ARNT2: variants seen among roughly 807,000 people sequenced by gnomAD.
The protein encoded by ARNT2 is aryl hydrocarbon receptor nuclear translocator 2, also known as ARNT protein 2.
ARNT2 carries 36 observed loss-of-function variants against 91.7 expected under a neutral mutation model. The observed-to-expected ratio is 0.39, with a 90% CI of 0.30 to 0.52. The LOEUF is 0.52. Ranked by LOEUF, ARNT2 falls within the 20% of genes least tolerant of loss-of-function variation. The pLI, the probability that ARNT2 is intolerant of heterozygous loss-of-function variation, is 0.72. For missense variants in ARNT2, 775 were observed against 939.3 expected (o/e 0.83, Z 2.29); for synonymous variants, 365 against 347.1 (o/e 1.05, Z -0.57).
Position 80,574,225 on chromosome 15 carries a change from G to A in ARNT2, c.1389+5G>A. The A allele has an allele frequency of 6.2e-7, 1 of 1,613,832 alleles. No individual in the cohort carries two copies. Among genetic ancestry groups the A allele is most frequent in the Non-Finnish European group, 8.5e-7 (1 of 1,179,712 alleles). On this transcript the variant is annotated splice_donor_5th_base_variant and intron_variant, in intron 13 of 18. Coordinates refer to ENST00000303329, the MANE Select transcript of ARNT2 (RefSeq NM_014862.4). ...TCATCGTATGACTTATCCCAGGTGA[G>A]TTTCTGGAAAACCCTTTCCCTGTTG...
At chr15:80,407,844 A>G (rs1229314251) in intron 1 of ARNT2, among the ~76,000 whole-genome samples, 1 of 152,208 alleles carries the variant, frequency 6.6e-6, no homozygotes, top group Non-Finnish European at 1.5e-5. Flanking sequence ...GGCACAATTA[A>G]GAAGGAGATT....
chr15:80,566,071 A>G (rs1384054611), intron 12 of ARNT2, among the ~76,000 whole-genome samples: 1 of 152,190 alleles, frequency 6.6e-6, no homozygotes, highest in Non-Finnish European at 1.5e-5. Context: ...GAAGCACTCT[A>G]CTGTGATAGC....
intron 5 of ARNT2, among the ~76,000 whole-genome samples, chr15:80,506,873 C>T (rs968428583): frequency 6.6e-6 from 1 of 152,114 alleles, no homozygotes; most frequent in Non-Finnish European, 1.5e-5. Flanking sequence ...TGTCCCAAGG[C>T]AAGAATGTTC....
At chr15:80,459,200 G>T (rs1896519771) in intron 3 of ARNT2, among the ~76,000 whole-genome samples, 1 of 152,164 alleles carries the variant, frequency 6.6e-6, no homozygotes. Context: ...CTTCTGCTTT[G>T]GTTGAAACAG....
intron 8 of ARNT2, among the ~76,000 whole-genome samples, chr15:80,535,889 T>G (rs1463016083): frequency 6.6e-6 from 1 of 152,152 alleles, no homozygotes; most frequent in African/African-American, 2.4e-5. Flanking sequence ...CCCTGTGGTG[T>G]TTGTTGTTTT....
chr15:80,558,340 T>C (rs867904378), intron 11 of ARNT2, among the ~76,000 whole-genome samples: 263 of 149,006 alleles, frequency 1.8e-3, no homozygotes, highest in South Asian at 0.01. Context: ...GTGCTTTTTT[T>C]TTTTTTTTTT....
intron 8 of ARNT2, among the ~76,000 whole-genome samples, chr15:80,534,690 A>T (rs1037264765): frequency 6.6e-6 from 1 of 152,224 alleles, no homozygotes; most frequent in African/African-American, 2.4e-5. Context: ...ATATTCTGCC[A>T]GCCATTCCCC....
rs146922198 is a variant in ARNT2, at chr15:80,419,862, G to A, written c.31+15316G>A. Among the ~76,000 whole-genome samples, 7 of 152,300 alleles carry A rather than the reference G, an allele frequency of 4.6e-5. No individual in the cohort carries two copies. In the East Asian group the frequency reaches 1.4e-3, roughly 29 times the overall value. On this transcript the variant is annotated intron_variant, in intron 1 of 18. Transcript: ENST00000303329. ...CCTGGCAGCAGGTCAGCCTTAAACA[G>A]CAGGGCATAGTTTGCTTTGGAACGC...
intron 5 of ARNT2, among the ~76,000 whole-genome samples, chr15:80,494,847 A>T (rs1345177213): frequency 6.6e-6 from 1 of 152,114 alleles, no homozygotes; most frequent in African/African-American, 2.4e-5. Context: ...TTCATTGCTC[A>T]TGAGATGATG....
intron 3 of ARNT2, among the ~76,000 whole-genome samples, chr15:80,466,378 C>A (rs1330775480): frequency 1.3e-5 from 2 of 152,222 alleles, no homozygotes; most frequent in Non-Finnish European, 2.9e-5. Flanking sequence ...GCAGAGGTGT[C>A]TTTGAAACTG....
At chr15:80,567,520 C>T (rs1384115455) in intron 12 of ARNT2, among the ~76,000 whole-genome samples, 1 of 152,174 alleles carries the variant, frequency 6.6e-6, no homozygotes, top group Admixed American at 6.5e-5. Flanking sequence ...AAATACTTCC[C>T]CGCAGGGCCT....
Position 80,558,672 on chromosome 15 carries a change from C to A in ARNT2, c.1164+3533C>A, listed in dbSNP as rs138901324. Among the ~76,000 whole-genome samples, 3 of 152,262 alleles carry A rather than the reference C, an allele frequency of 2.0e-5. No homozygotes were observed. The East Asian group carries it at 5.8e-4, about 29-fold the overall frequency. Reference sequence around the variant, plus strand: ...GTGCATTTGATCCTAATCTTCACCACTGAGTGTAGAGCCCTGTACAAGGGT... The same window carrying A: ...GTGCATTTGATCCTAATCTTCACCAATGAGTGTAGAGCCCTGTACAAGGGT... On this transcript the variant is annotated intron_variant, in intron 11 of 18. Coordinates refer to ENST00000303329, the MANE Select transcript of ARNT2 (RefSeq NM_014862.4).
intron 1 of ARNT2, among the ~76,000 whole-genome samples, chr15:80,418,087 T>C (rs1895812375): frequency 6.6e-6 from 1 of 152,200 alleles, no homozygotes; most frequent in Non-Finnish European, 1.5e-5. Flanking sequence ...ATCCTAGTAG[T>C]GTGGAACATG....
chr15:80,597,143 A>C lies in ARNT2; in HGVS notation c.*3445A>C, dbSNP rs144987679. The C allele has an allele frequency of 1.2e-5, 6 of 518,834 alleles. No homozygotes were observed. The East Asian group carries it at 3.3e-4, about 28-fold the overall frequency. The allele number at this position is 518,834 out of a possible 1,614,324, so 32.1% of individuals were successfully genotyped here. ...TACATGTTCTCCAGATTAGCCACAC[A>C]TGCAAACATCAGTGTCCTTCTAGCT... On this transcript the variant is annotated 3_prime_UTR_variant, in exon 19 of 19. Transcript: ENST00000303329.
chr15:80,411,896 G>A (rs957010815), intron 1 of ARNT2, among the ~76,000 whole-genome samples: 5 of 152,288 alleles, frequency 3.3e-5, no homozygotes, highest in Admixed American at 2.6e-4. Context: ...AGTCCCACAG[G>A]GTCTTCTCAG....
chr15:80,440,914 T>C (rs577494366), intron 1 of ARNT2, among the ~76,000 whole-genome samples: 13 of 152,324 alleles, frequency 8.5e-5, no homozygotes, highest in African/African-American at 3.1e-4. Flanking sequence ...AGTCTAATGA[T>C]TTTCTGTACA....
chr15:80,500,372 T>A (rs1897174454), intron 5 of ARNT2, among the ~76,000 whole-genome samples: 1 of 152,260 alleles, frequency 6.6e-6, no homozygotes, highest in South Asian at 2.1e-4. Context: ...TTGTTCCTAA[T>A]TATTTTCTCT....
At chr15:80,455,478 T>C (rs888372231) in intron 2 of ARNT2, among the ~76,000 whole-genome samples, 3 of 152,034 alleles carry the variant, frequency 2.0e-5, no homozygotes, top group African/African-American at 4.8e-5. Context: ...CTCTGCTTGA[T>C]TGAGCCACAG....
intron 11 of ARNT2, among the ~76,000 whole-genome samples, chr15:80,558,788 T>TA (rs1368256491): frequency 1.3e-5 from 2 of 152,198 alleles, no homozygotes; most frequent in African/African-American, 4.8e-5. Context: ...TTAAGCATTG[T>TA]AAGGGGATGT....
Sources: gnomAD v4.1 joint callset for allele counts (sites outside exome capture counted in the v4.1 genomes callset) on GRCh38, gnomAD v4.1.1 for gene constraint, MANE v1.5 for transcripts, NCBI Gene and HGNC (gene_info 2026-07-23, HGNC 2026-07-21) for gene names.